Variants in GABRB1 observed in about 807,000 individuals in gnomAD.
GABRB1 encodes gamma-aminobutyric acid receptor subunit beta-1.
In GABRB1, 17 loss-of-function variants were observed where a neutral mutation model predicts 51.6. That is an observed-to-expected ratio of 0.33 (90% CI 0.23 to 0.49). The LOEUF (loss-of-function observed/expected upper bound fraction) is 0.49. GABRB1 is among the 20% of genes least tolerant of loss of function. The probability of loss-of-function intolerance (pLI) is 0.99; values close to 1 mark genes in which losing one functional copy is unlikely to be tolerated. For synonymous variants in GABRB1, 247 were observed against 218.9 expected, an observed-to-expected ratio of 1.13 and a Z score of -1.14; for missense variants, 410 against 600.6, an observed-to-expected ratio of 0.68 and a Z score of 3.32.
chr4:47,415,895 TGGCCATTGAAACTCAGAGCTCAGAGA>T (rs566839114), intron 8 of GABRB1, among the ~76,000 whole-genome samples: 117 of 152,316 alleles, frequency 7.7e-4, no homozygotes, highest in African/African-American at 2.7e-3. Context: ...CAGGTGTCCT[TGGCCATTGAAACTCAGAGCTCAGAGA>T]GATGACTCAA....
chr4:47,104,451 T>A (rs914940100), intron 3 of GABRB1, among the ~76,000 whole-genome samples: 12 of 152,056 alleles, frequency 7.9e-5, no homozygotes, highest in African/African-American at 2.6e-4. Flanking sequence ...TAATTTTTAA[T>A]TTTGGAAAAT....
intron 4 of GABRB1, among the ~76,000 whole-genome samples, chr4:47,219,035 AATGAG>A (rs1419036251): frequency 1.3e-5 from 2 of 151,812 alleles, no homozygotes; most frequent in Non-Finnish European, 2.9e-5. Context: ...TGTTATTATT[AATGAG>A]ATGTATGGTC....
At chr4:47,120,706 G>A (rs1351830652) in intron 3 of GABRB1, among the ~76,000 whole-genome samples, 4 of 152,038 alleles carry the variant, frequency 2.6e-5, no homozygotes, top group African/African-American at 9.7e-5. Context: ...ATCATGCCAG[G>A]GCTAGGTCCT....
At chr4:47,155,226 C>T (rs113932370) in intron 3 of GABRB1, among the ~76,000 whole-genome samples, 3 of 152,172 alleles carry the variant, frequency 2.0e-5, no homozygotes, top group African/African-American at 4.8e-5. Flanking sequence ...TGATGCACAG[C>T]TCTACTCTAA....
At chr4:47,046,892 C>A (rs1726115440) in intron 3 of GABRB1, among the ~76,000 whole-genome samples, 1 of 152,052 alleles carries the variant, frequency 6.6e-6, no homozygotes, top group Admixed American at 6.6e-5. Context: ...AACACAGGAA[C>A]AGAAAACCAA....
At chr4:47,031,889 T>C in intron 1 of GABRB1, 25 bp from the exon 2 acceptor site, 1 of 1,603,072 alleles carries the variant, frequency 6.2e-7, no homozygotes, top group Non-Finnish European at 8.5e-7. Context: ...TCATTTTGAA[T>C]ACGGTCCCTA....
chr4:47,327,062 A>G (rs1725288196), intron 5 of GABRB1, among the ~76,000 whole-genome samples: 1 of 152,240 alleles, frequency 6.6e-6, no homozygotes, highest in Non-Finnish European at 1.5e-5. Flanking sequence ...GACTTTTAGA[A>G]TATAAGTCTA....
intron 4 of GABRB1, among the ~76,000 whole-genome samples, chr4:47,312,284 G>A (rs565952127): frequency 1.6e-4 from 25 of 152,058 alleles, no homozygotes; most frequent in Middle Eastern, 3.4e-3. Context: ...TATCATTTAT[G>A]TCTCACGCTC....
At chr4:47,125,681 A>T (rs890973843) in intron 3 of GABRB1, among the ~76,000 whole-genome samples, 1 of 143,144 alleles carries the variant, frequency 7.0e-6, no homozygotes, top group Admixed American at 7.2e-5. Flanking sequence ...TCAGCCTCCC[A>T]AGTAGCTGGG....
intron 3 of GABRB1, among the ~76,000 whole-genome samples, chr4:47,145,522 C>T (rs945673806): frequency 6.6e-6 from 1 of 151,920 alleles, no homozygotes; most frequent in Non-Finnish European, 1.5e-5. Flanking sequence ...ATAAACTTAT[C>T]GCCCCAGAAA....
intron 3 of GABRB1, among the ~76,000 whole-genome samples, chr4:47,090,186 T>C (rs1222946601): frequency 6.6e-6 from 1 of 152,258 alleles, no homozygotes; most frequent in East Asian, 1.9e-4. Flanking sequence ...ATAAGTTGTT[T>C]ACTTTTATAT....
intron 4 of GABRB1, among the ~76,000 whole-genome samples, chr4:47,301,904 T>A (rs2109939420): frequency 6.6e-6 from 1 of 152,290 alleles, no homozygotes; most frequent in East Asian, 1.9e-4. Context: ...AGTTCCAAAA[T>A]AATTCATAGA....
chr4:47,147,666 A>G (rs1717233801), intron 3 of GABRB1, among the ~76,000 whole-genome samples: 1 of 152,044 alleles, frequency 6.6e-6, no homozygotes, highest in Non-Finnish European at 1.5e-5. Flanking sequence ...CTGACATGGG[A>G]GAAGAGGGTG....
intron 5 of GABRB1, among the ~76,000 whole-genome samples, chr4:47,387,349 G>A (rs1251168522): frequency 1.3e-5 from 2 of 152,142 alleles, no homozygotes; most frequent in Non-Finnish European, 2.9e-5. Context: ...TTATGCACTT[G>A]TAATCCCAGC....
At chr4:47,296,292 C>G (rs942488598) in intron 4 of GABRB1, among the ~76,000 whole-genome samples, 1 of 152,030 alleles carries the variant, frequency 6.6e-6, no homozygotes, top group African/African-American at 2.4e-5. Context: ...CTAAATGCTC[C>G]AATTAGAAGA....
chr4:47,194,241 A>G (rs1030304770), intron 4 of GABRB1, among the ~76,000 whole-genome samples: 2 of 152,202 alleles, frequency 1.3e-5, no homozygotes, highest in Non-Finnish European at 2.9e-5. Context: ...GGAATCAGAA[A>G]ACAGCCTGAG....
intron 3 of GABRB1, among the ~76,000 whole-genome samples, chr4:47,044,165 G>T (rs1725982810): frequency 6.6e-6 from 1 of 152,044 alleles, no homozygotes; most frequent in Non-Finnish European, 1.5e-5. Flanking sequence ...TGTAGCCCAA[G>T]ATGTGAAATC....
At chr4:47,334,278 G>T (rs1017505376) in intron 5 of GABRB1, among the ~76,000 whole-genome samples, 3 of 152,010 alleles carry the variant, frequency 2.0e-5, no homozygotes, top group Admixed American at 2.0e-4. Context: ...TTTTTAAAAA[G>T]CCTGTCTCAC....
chr4:47,317,562 A>G, intron 4 of GABRB1, among the ~76,000 whole-genome samples: 1 of 151,976 alleles, frequency 6.6e-6, no homozygotes, highest in South Asian at 2.1e-4. Context: ...GTGTTTTGTA[A>G]AACATTTTGA....
Sources: gnomAD v4.1 joint callset for allele counts (sites outside exome capture counted in the v4.1 genomes callset) on GRCh38, gnomAD v4.1.1 for gene constraint, MANE v1.5 for transcripts, NCBI Gene and HGNC (gene_info 2026-07-23, HGNC 2026-07-21) for gene names.